Variants in WDR37 observed in about 807,000 individuals in gnomAD.
WDR37 encodes WD repeat-containing protein 37.
In WDR37, 19 loss-of-function variants were observed where a neutral mutation model predicts 62.9. The ratio of observed to expected loss-of-function variants is 0.30; its 90% CI spans 0.21 to 0.44. The LOEUF (loss-of-function observed/expected upper bound fraction) is 0.44. Among genes scored for constraint, WDR37 ranks in the 20% least tolerant of loss-of-function variants. The pLI is 1.00. For synonymous variants in WDR37, 250 were observed against 260.9 expected, an observed-to-expected ratio of 0.96 and a Z score of 0.40; for missense variants, 474 against 657.6, an observed-to-expected ratio of 0.72 and a Z score of 3.05.
intron 1 of WDR37, among the ~76,000 whole-genome samples, chr10:1,070,718 ATT>A (rs1214581345): frequency 2.0e-5 from 3 of 152,308 alleles, no homozygotes; most frequent in East Asian, 3.9e-4. Flanking sequence ...GACACTCTAA[ATT>A]TTTTGTGAAT....
chr10:1,058,877 A>G (rs1055906427), intron 1 of WDR37, among the ~76,000 whole-genome samples: 1 of 152,190 alleles, frequency 6.6e-6, no homozygotes, highest in Non-Finnish European at 1.5e-5. Flanking sequence ...ATTTTATGCA[A>G]TTTTCAATTT....
intron 7 of WDR37, among the ~76,000 whole-genome samples, chr10:1,092,691 G>T (rs1405047595): frequency 6.6e-6 from 1 of 151,646 alleles, no homozygotes; most frequent in East Asian, 1.9e-4. Context: ...GCAAGACCCT[G>T]TCTCTACTAA....
chr10:1,105,299 A>G lies in WDR37; in HGVS notation c.1103+32A>G. On this transcript the variant is annotated intron_variant, in intron 11 of 13. Coordinates refer to ENST00000263150, the MANE Select transcript of WDR37 (RefSeq NM_014023.4). This position sits in a 1 kb window ranked among gnomAD's most constrained non-coding sequence, Gnocchi z 5.3. ...TGCGGTAGTTTAGACATCTGTCCTTAGTCATGAAAAAGTTCTGTGGGTTGA... is the reference window on the plus strand; with the variant it reads ...TGCGGTAGTTTAGACATCTGTCCTTGGTCATGAAAAAGTTCTGTGGGTTGA... 6.3e-7 allele frequency: 1 copy of G among 1,593,254 alleles called. No individual in the cohort carries two copies. The highest frequency in any genetic ancestry group is 8.6e-7 in the Non-Finnish European group (1 of 1,164,920).
chr10:1,077,517 A>T (rs1338298205), intron 2 of WDR37, among the ~76,000 whole-genome samples: 2 of 152,206 alleles, frequency 1.3e-5, no homozygotes, highest in Non-Finnish European at 2.9e-5. Flanking sequence ...GGTCTAGCAG[A>T]TTAAAATACT....
chr10:1,058,083 A>ATTTGGAGTTAAACACGG (rs1833253447), intron 1 of WDR37, among the ~76,000 whole-genome samples: 1 of 36,738 alleles, frequency 2.7e-5, no homozygotes, highest in African/African-American at 6.6e-5. Context: ...CGGTATGTAA[A>ATTTGGAGTTAAACACGG]TATGAACTCA....
intron 2 of WDR37, among the ~76,000 whole-genome samples, chr10:1,073,073 A>C (rs1040263751): frequency 2.0e-5 from 3 of 152,192 alleles, no homozygotes; most frequent in African/African-American, 7.2e-5. Flanking sequence ...ATTTTTGATA[A>C]AGATAAGTTT....
Position 1,109,815 on chromosome 10 carries a change from G to A in WDR37, c.1103+4548G>A, listed in dbSNP as rs567773129. Among the ~76,000 whole-genome samples, 11 of 152,350 alleles carry A rather than the reference G, an allele frequency of 7.2e-5. No homozygotes were observed. In the East Asian group the frequency reaches 1.9e-3, roughly 27 times the overall value. On this transcript the variant is annotated intron_variant, in intron 11 of 13. Transcript: ENST00000263150. ...TTAGAGAGCTGTACTTATGAAGAAT[G>A]TAGTAAGTGTTATGAAAAAGTTCTT...
At chr10:1,124,007 G>A (rs777078957) in intron 11 of WDR37, 37 of 596,350 alleles carry the variant, frequency 6.2e-5, no homozygotes, top group Non-Finnish European at 1.0e-4. Context: ...AGAATGGACT[G>A]TGTGTTTCTG....
chr10:1,056,990 C>CCTGT (rs2131596122), intron 1 of WDR37, 22 bp downstream of exon 1: 2 of 152,280 alleles, frequency 1.3e-5, no homozygotes, highest in Non-Finnish European at 2.9e-5. Flanking sequence ...CATCTTCCTA[C>CCTGT]CTGTCAGGCG....
intron 9 of WDR37, chr10:1,096,547 AG>A (rs1834583875): frequency 2.5e-6 from 1 of 398,880 alleles, no homozygotes; most frequent in South Asian, 3.9e-5. Flanking sequence ...TTTAAGGATG[AG>A]CCCGCACCAG....
chr10:1,075,285 TTTTTTTA>T (rs1445088249), intron 2 of WDR37, among the ~76,000 whole-genome samples: 2 of 142,748 alleles, frequency 1.4e-5, no homozygotes, highest in East Asian at 2.1e-4. Flanking sequence ...TTTTTTTTTT[TTTTTTTA>T]AATTTATACT....
intron 8 of WDR37, among the ~76,000 whole-genome samples, chr10:1,095,902 C>T (rs549813268): frequency 9.2e-5 from 14 of 152,290 alleles, no homozygotes; most frequent in South Asian, 2.1e-4. Context: ...TACATTTTCT[C>T]TGAACTTCCA....
intron 3 of WDR37, among the ~76,000 whole-genome samples, chr10:1,079,336 C>T (rs980522377): frequency 5.9e-5 from 9 of 151,514 alleles, no homozygotes; most frequent in African/African-American, 1.2e-4. Context: ...CTGCCTGCCT[C>T]GGCCTCCAAA....
chr10:1,102,093 G>A (rs1271720687), intron 9 of WDR37, among the ~76,000 whole-genome samples: 6 of 148,306 alleles, frequency 4.0e-5, no homozygotes, highest in East Asian at 2.0e-4. Context: ...GCTGCCGTGC[G>A]TCCCTGTGAC....
At chr10:1,126,398 T>TC (rs1835775734) in intron 13 of WDR37, among the ~76,000 whole-genome samples, 1 of 134,838 alleles carries the variant, frequency 7.4e-6, no homozygotes, top group East Asian at 2.1e-4. Context: ...AGAGCGAGAC[T>TC]GTGTCTCAGA....
At chr10:1,064,946 A>G (rs1381708233) in intron 1 of WDR37, among the ~76,000 whole-genome samples, 1 of 151,950 alleles carries the variant, frequency 6.6e-6, no homozygotes, top group Admixed American at 6.6e-5. Flanking sequence ...GTGGCAGGAC[A>G]TTTTTTTCAG....
chr10:1,078,188 G>A (rs1833934811), intron 3 of WDR37, among the ~76,000 whole-genome samples, 185 bp downstream of exon 3: 1 of 151,752 alleles, frequency 6.6e-6, no homozygotes. Flanking sequence ...ATTCCCACGA[G>A]GACTCCGTCT....
At chr10:1,127,603 G>C (rs1339671908) in intron 13 of WDR37, among the ~76,000 whole-genome samples, 1 of 152,226 alleles carries the variant, frequency 6.6e-6, no homozygotes, top group Non-Finnish European at 1.5e-5. Context: ...TCACTTCCCA[G>C]CATGAGTTTT....
At position 1,129,844 on chromosome 10, in the gene WDR37, A is replaced by G. The variant is rs1327284743; in HGVS notation, c.*500A>G. 6.6e-6 allele frequency: 1 copy of G among 152,602 alleles called. No individual in the cohort carries two copies. The highest frequency in any genetic ancestry group is 1.9e-4 in the East Asian group (1 of 5,202). 9.5% of individuals were successfully genotyped at this position (152,602 alleles called of 1,614,324 possible). A position where few individuals can be genotyped will look rare whatever the true frequency, so the allele number is the denominator to read the frequency against. On this transcript the variant is annotated 3_prime_UTR_variant, in exon 14 of 14. Transcript: ENST00000263150. Reference sequence around the variant, plus strand: ...TGAAGTTCAGCACGTGCTGTCGTGTAGTCAGCTTCTACTCTAATTTCTGTT... The same window carrying G: ...TGAAGTTCAGCACGTGCTGTCGTGTGGTCAGCTTCTACTCTAATTTCTGTT...
Sources: allele counts gnomAD v4.1 joint callset (sites outside exome capture counted in the v4.1 genomes callset), GRCh38; gene constraint gnomAD v4.1.1; non-coding constraint Gnocchi (gnomAD v3.1); transcripts MANE v1.5; gene names NCBI Gene and HGNC (gene_info 2026-07-23, HGNC 2026-07-21).